CCNI: variants seen among roughly 807,000 people sequenced by gnomAD.
The protein encoded by CCNI is cyclin I.
A neutral mutation model predicts 34.1 loss-of-function variants in CCNI; 14 were observed. The observed-to-expected ratio is 0.41, with a 90% CI of 0.27 to 0.64. The LOEUF (loss-of-function observed/expected upper bound fraction) is 0.64, where lower values mean the gene tolerates loss of function less well. Among genes scored for constraint, CCNI ranks in the 30% least tolerant of loss-of-function variants. The probability of loss-of-function intolerance (pLI) is 0.31; values close to 1 mark genes in which losing one functional copy is unlikely to be tolerated. For missense variants in CCNI, 385 were observed against 440.5 expected, an observed-to-expected ratio of 0.87 and a Z score of 1.13; for synonymous variants, 154 against 158.4, an observed-to-expected ratio of 0.97 and a Z score of 0.21.
In CCNI at chr4:77,059,880, T is replaced by C. The variant is rs181912723; in HGVS notation, c.115-1245A>G. ...AAATTCCTATCAAGATGAGCTTTTA[T>C]CCAAAATGCCACAACAAATAAGGAA... is the stretch of plus-strand genomic sequence containing the variant. On this transcript the variant is annotated intron_variant, in intron 2 of 6. Transcript: ENST00000237654. Among the ~76,000 whole-genome samples, 121 of 152,236 alleles carry C rather than the reference T, an allele frequency of 7.9e-4. 2 individuals are homozygous for C. The highest frequency in any genetic ancestry group is 2.8e-3 in the African/African-American group (116 of 41,534).
intron 1 of CCNI, among the ~76,000 whole-genome samples, chr4:77,069,441 A>T (rs749219460): frequency 4.1e-4 from 60 of 146,048 alleles, no homozygotes; most frequent in East Asian, 1.2e-3. Context: ...ATATATATAT[A>T]TTTTTTTTAT....
intron 6 of CCNI, among the ~76,000 whole-genome samples, chr4:77,054,741 CAAT>C (rs1287302371): frequency 6.6e-6 from 1 of 152,182 alleles, no homozygotes; most frequent in Non-Finnish European, 1.5e-5. Flanking sequence ...TACTAGCCAA[CAAT>C]AAATTATTTG....
At chr4:77,075,438 G>T (rs1262692168) in intron 1 of CCNI, 34 bp downstream of exon 1, 17 of 869,348 alleles carry the variant, frequency 2.0e-5, no homozygotes, top group Non-Finnish European at 2.3e-5. Flanking sequence ...CCGCGGAGAC[G>T]CGTCGAGCCC....
At chr4:77,068,219 T>C (rs1729195410) in intron 1 of CCNI, among the ~76,000 whole-genome samples, 1 of 152,146 alleles carries the variant, frequency 6.6e-6, no homozygotes, top group South Asian at 2.1e-4. Flanking sequence ...TGAAAAGGCT[T>C]AGCTGGATTT....
At chr4:77,060,375 T>C (rs1199873816) in intron 2 of CCNI, among the ~76,000 whole-genome samples, 1 of 152,214 alleles carries the variant, frequency 6.6e-6, no homozygotes, top group Admixed American at 6.5e-5. Context: ...AAAACAAATT[T>C]ACAAAACATT....
chr4:77,071,600 T>C (rs1362841153), intron 1 of CCNI, among the ~76,000 whole-genome samples: 1 of 152,162 alleles, frequency 6.6e-6, no homozygotes, highest in South Asian at 2.1e-4. Flanking sequence ...TGGACAAACC[T>C]TTAGCCAGCT....
intron 6 of CCNI, 75 bp downstream of exon 6, chr4:77,055,075 T>C (rs4252904): frequency 1.8e-4 from 161 of 907,716 alleles, no homozygotes; most frequent in Non-Finnish European, 2.4e-4. Flanking sequence ...GAAATGTCTT[T>C]TAGTTTGGTA....
At chr4:77,063,071 G>A (rs535112510) in intron 2 of CCNI, among the ~76,000 whole-genome samples, 117 of 152,258 alleles carry the variant, frequency 7.7e-4, no homozygotes, top group African/African-American at 2.7e-3. Flanking sequence ...TGTCATAAGG[G>A]AAGCAGAGTG....
chr4:77,075,133 T>C (rs1468117037), intron 1 of CCNI: 4 of 152,020 alleles, frequency 2.6e-5, no homozygotes, highest in Admixed American at 2.0e-4. Context: ...CTTTGTGTAT[T>C]AACACGGGCT....
intron 1 of CCNI, 169 bp downstream of exon 1, chr4:77,075,303 G>C (rs1218729682): frequency 1.3e-5 from 2 of 154,768 alleles, no homozygotes. Flanking sequence ...CGAAGAGGGC[G>C]GCCCCGAGGT....
At chr4:77,059,520 C>T (rs987679869) in intron 2 of CCNI, among the ~76,000 whole-genome samples, 26 of 151,840 alleles carry the variant, frequency 1.7e-4, no homozygotes, top group African/African-American at 6.0e-4. Flanking sequence ...TAGTCATTTA[C>T]TTCAGGTTGA....
chr4:77,074,535 TAAG>T (rs1729747299), intron 1 of CCNI, among the ~76,000 whole-genome samples: 1 of 152,190 alleles, frequency 6.6e-6, no homozygotes, highest in South Asian at 2.1e-4. Context: ...CCGCGTTACC[TAAG>T]GAGAAAGTTA....
At chr4:77,053,735 T>C (rs544186362) in intron 6 of CCNI, among the ~76,000 whole-genome samples, 4 of 152,334 alleles carry the variant, frequency 2.6e-5, no homozygotes, top group Admixed American at 2.6e-4. Context: ...AGGTTTTCTA[T>C]TAAGCCTATT....
At chr4:77,059,301 T>C (rs915219907) in intron 2 of CCNI, among the ~76,000 whole-genome samples, 5 of 151,850 alleles carry the variant, frequency 3.3e-5, no homozygotes, top group Admixed American at 1.3e-4. Flanking sequence ...TTTAAAGTAA[T>C]AGTGATTAGA....
At chr4:77,051,611 T>C (rs1332841184) in intron 6 of CCNI, among the ~76,000 whole-genome samples, 2 of 152,182 alleles carry the variant, frequency 1.3e-5, no homozygotes, top group African/African-American at 4.8e-5. Context: ...TTCCTTCTAA[T>C]CTAGTACAAT....
chr4:77,066,144 T>C, intron 2 of CCNI, 105 bp downstream of exon 2: 1 of 917,666 alleles, frequency 1.1e-6, no homozygotes, highest in Non-Finnish European at 1.7e-6. Context: ...AGCACATCCT[T>C]AAATGGTACA....
chr4:77,054,965 A>G (rs1044835216), intron 6 of CCNI, among the ~76,000 whole-genome samples, 185 bp downstream of exon 6: 8 of 152,342 alleles, frequency 5.3e-5, no homozygotes, highest in African/African-American at 1.7e-4. Context: ...AAAATACTAT[A>G]TAAGTTTTAT....
intron 6 of CCNI, among the ~76,000 whole-genome samples, chr4:77,051,269 G>A (rs1463799641): frequency 9.2e-5 from 14 of 152,106 alleles, no homozygotes; most frequent in Admixed American, 9.2e-4. Flanking sequence ...ATGTTCTTTA[G>A]CAAATGAATG....
intron 1 of CCNI, among the ~76,000 whole-genome samples, chr4:77,069,665 C>G (rs1174786224): frequency 7.3e-6 from 1 of 137,716 alleles, no homozygotes; most frequent in Non-Finnish European, 1.5e-5. Flanking sequence ...TTTTTTATTA[C>G]TCACTGTGTC....
Sources: allele counts gnomAD v4.1 joint callset (sites outside exome capture counted in the v4.1 genomes callset), GRCh38; gene constraint gnomAD v4.1.1; transcripts MANE v1.5; gene names NCBI Gene and HGNC (gene_info 2026-07-23, HGNC 2026-07-21).